CCDC146: variants seen among roughly 807,000 people sequenced by gnomAD.
CCDC146 encodes the protein coiled-coil domain-containing protein 146.
CCDC146 carries 92 observed loss-of-function variants against 119.3 expected under a neutral mutation model. The observed-to-expected ratio is 0.77, with a 90% CI of 0.65 to 0.92. The LOEUF is 0.92. CCDC146 is among the 40% of genes least tolerant of loss of function. The pLI, the probability that CCDC146 is intolerant of heterozygous loss-of-function variation, is 0.00. For synonymous variants in CCDC146, 372 were observed against 371.8 expected, an observed-to-expected ratio of 1.00 and a Z score of -0.01; for missense variants, 1,000 against 1,103.0, an observed-to-expected ratio of 0.91 and a Z score of 1.32.
Position 77,282,585 on chromosome 7 carries a change from GA to G in CCDC146, c.1951del (p.Ile651TyrfsTer8). ...SGVQLIEREE[E>X]ICIFYEKINI... The stretch of plus-strand genomic sequence containing the variant: ...CGTTCAGCTGATAGAGCGGGAAGAA[GA>G]AATATGCATTTTTTATGAAAAAATA... On this transcript the variant is annotated frameshift_variant, in exon 15 of 19. Coordinates refer to ENST00000285871, the MANE Select transcript of CCDC146 (RefSeq NM_020879.3). LOFTEE classifies it high-confidence loss of function. 3 of 1,610,818 alleles carry G rather than the reference GA, an allele frequency of 1.9e-6. No individual in the cohort carries two copies. The highest frequency in any genetic ancestry group is 2.5e-6 in the Non-Finnish European group (3 of 1,178,372).
At position 77,271,144 on chromosome 7, in the gene CCDC146, G is replaced by C. The variant is rs1364506795; in HGVS notation, c.1174-2550G>C. ...TTGAAGGATACAAAGTATTGATCCTGGGTGTGTCTGTGAAGGTGTTGCCAA... is the reference window on the plus strand; with the variant it reads ...TTGAAGGATACAAAGTATTGATCCTCGGTGTGTCTGTGAAGGTGTTGCCAA... On this transcript the variant is annotated intron_variant, in intron 9 of 18. Coordinates refer to ENST00000285871, the MANE Select transcript of CCDC146 (RefSeq NM_020879.3). Among the ~76,000 whole-genome samples, 3 of 151,968 alleles carry C rather than the reference G, an allele frequency of 2.0e-5. No homozygotes were observed. In the East Asian group the frequency reaches 5.8e-4, roughly 29 times the overall value.
At chr7:77,261,194 G>T (rs1190431730) in intron 8 of CCDC146, among the ~76,000 whole-genome samples, 1 of 151,904 alleles carries the variant, frequency 6.6e-6, no homozygotes, top group Non-Finnish European at 1.5e-5. Context: ...GTGTCATGGG[G>T]GGTTGTTGTA....
At chr7:77,220,375 AT>A (rs1339777084) in intron 2 of CCDC146, among the ~76,000 whole-genome samples, 2 of 152,192 alleles carry the variant, frequency 1.3e-5, no homozygotes, top group Non-Finnish European at 2.9e-5. Flanking sequence ...GGATGCCCAG[AT>A]TTCGTATTGT....
At chr7:77,151,861 G>T (rs1367711587) in intron 1 of CCDC146, among the ~76,000 whole-genome samples, 1 of 152,114 alleles carries the variant, frequency 6.6e-6, no homozygotes, top group Admixed American at 6.6e-5. Context: ...TCAGTTGTCT[G>T]GTCCACAAAG....
At position 77,196,501 on chromosome 7, in the gene CCDC146, A is replaced by T. The variant is rs140799198; in HGVS notation, c.156+28677A>T. Reference sequence around the variant, plus strand: ...AGTACAGCCCACAGTTCCCAGAAGGATATCGATCATTGTCTTTATCTGGAG... The same window carrying T: ...AGTACAGCCCACAGTTCCCAGAAGGTTATCGATCATTGTCTTTATCTGGAG... On this transcript the variant is annotated intron_variant, in intron 2 of 18. Coordinates refer to ENST00000285871, the MANE Select transcript of CCDC146 (RefSeq NM_020879.3). This position sits in a 1 kb window ranked among gnomAD's most constrained non-coding sequence, Gnocchi z 4.2. 1 of 1,614,050 alleles carries T rather than the reference A, an allele frequency of 6.2e-7. No homozygotes were observed. Among genetic ancestry groups the T allele is most frequent in the African/African-American group, 1.3e-5 (1 of 74,910 alleles).
Position 77,287,505 on chromosome 7 carries a change from C to G in CCDC146, c.2343C>G (p.Val781=). The G allele has an allele frequency of 6.2e-7, 1 of 1,613,874 alleles. No individual in the cohort carries two copies. Among genetic ancestry groups the G allele is most frequent in the Non-Finnish European group, 8.5e-7 (1 of 1,179,804 alleles). Residue 781 remains valine (V), a synonymous_variant, in exon 17 of 19, where the codon GTC becomes GTG. Transcript: ENST00000285871. The part of the protein sequence containing the change: ...LLEKDFIYEQ[V]SRLTDRLCSK... ...AGAAGGATTTCATCTATGAGCAGGTCTCCAGGCTCACAGACAGGCTCTGCA... is the reference window on the plus strand; with the variant it reads ...AGAAGGATTTCATCTATGAGCAGGTGTCCAGGCTCACAGACAGGCTCTGCA...
At chr7:77,253,018 C>T (rs1473985327) in intron 4 of CCDC146, among the ~76,000 whole-genome samples, 4 of 152,182 alleles carry the variant, frequency 2.6e-5, no homozygotes. Flanking sequence ...GCAAACAATG[C>T]CAATGTGTCT....
At chr7:77,178,107 T>C (rs1791528126) in intron 2 of CCDC146, among the ~76,000 whole-genome samples, 1 of 152,236 alleles carries the variant, frequency 6.6e-6, no homozygotes. Context: ...AGTAGATTAA[T>C]ACCCCTCAAT....
In CCDC146 at chr7:77,292,301, ATT is replaced by A. The variant is rs35258178; in HGVS notation, c.2416-633_2416-632del. On this transcript the variant is annotated intron_variant, in intron 17 of 18. Transcript: ENST00000285871. The stretch of plus-strand genomic sequence containing the variant: ...AGAACAAGACCTTGTCTTTATTTTA[ATT>A]TTTTTTTTTTTTTTTTTAAAGAACA... 4.2e-3 allele frequency among the ~76,000 whole-genome samples: 559 copies of A among 132,626 alleles called. 4 individuals carry two copies. Among genetic ancestry groups the A allele is most frequent in the Middle Eastern group, 0.012 (3 of 248 alleles). The allele number at this position is 132,626 out of a possible 152,430, so 87.0% of individuals were successfully genotyped here.
intron 2 of CCDC146, among the ~76,000 whole-genome samples, chr7:77,227,124 A>G (rs1413022588): frequency 1.3e-5 from 2 of 152,210 alleles, no homozygotes; most frequent in African/African-American, 2.4e-5. Context: ...CTGCAAGAAC[A>G]TATTCAGGTG....
chr7:77,241,904 A>G lies in CCDC146; in HGVS notation c.449+4A>G. ...ATAATCAGTACAGATTAAATAGGTA[A>G]GTGCACAGTTCTCTCCGGCACACTG... On this transcript the variant is annotated splice_donor_region_variant and intron_variant, in intron 4 of 18. Transcript: ENST00000285871. 1.3e-6 allele frequency: 2 copies of G among 1,599,714 alleles called. No homozygotes were observed. Among genetic ancestry groups the G allele is most frequent in the Non-Finnish European group, 1.7e-6 (2 of 1,167,108 alleles).
intron 8 of CCDC146, 74 bp downstream of exon 8, chr7:77,260,310 T>G: frequency 9.4e-7 from 1 of 1,068,240 alleles, no homozygotes; most frequent in Non-Finnish European, 1.3e-6. Context: ...ATTCAAAATC[T>G]CACTTTGGTG....
intron 1 of CCDC146, among the ~76,000 whole-genome samples, chr7:77,125,205 T>C (rs192155107): frequency 1.3e-5 from 2 of 150,532 alleles, no homozygotes; most frequent in Non-Finnish European, 2.9e-5. Flanking sequence ...AATAAAAAAA[T>C]GTTAAATGCT....
intron 4 of CCDC146, among the ~76,000 whole-genome samples, chr7:77,253,858 C>CCAGCTGGAGGGAT (rs1171454468): frequency 2.0e-5 from 3 of 152,150 alleles, no homozygotes; most frequent in Non-Finnish European, 4.4e-5. Flanking sequence ...CGAGAGCATA[C>CCAGCTGGAGGGAT]CAGCTGGAGG....
chr7:77,176,361 G>C (rs999210804), intron 2 of CCDC146, among the ~76,000 whole-genome samples: 3 of 151,172 alleles, frequency 2.0e-5, no homozygotes, highest in Non-Finnish European at 4.4e-5. Flanking sequence ...AAAAAGGAGT[G>C]AATACATTTA....
chr7:77,155,284 G>C (rs1181606977), intron 1 of CCDC146, among the ~76,000 whole-genome samples: 1 of 152,004 alleles, frequency 6.6e-6, no homozygotes. Context: ...GTTTTGCTCA[G>C]CTCAGCCTTG....
At chr7:77,126,246 T>C (rs994237680) in intron 1 of CCDC146, among the ~76,000 whole-genome samples, 32 of 152,218 alleles carry the variant, frequency 2.1e-4, no homozygotes, top group African/African-American at 7.7e-4. Context: ...TTGATATGTG[T>C]ATTACAGTGA....
chr7:77,233,095 T>TTTG (rs386410503), intron 2 of CCDC146, among the ~76,000 whole-genome samples: 3 of 8,598 alleles, frequency 3.5e-4, no homozygotes, highest in African/African-American at 9.8e-4. Flanking sequence ...CTTTTGTTTG[T>TTTG]TTTTTTTTTT....
intron 4 of CCDC146, among the ~76,000 whole-genome samples, chr7:77,249,276 AG>A (rs1214870227): frequency 6.6e-6 from 1 of 152,072 alleles, no homozygotes; most frequent in Admixed American, 6.6e-5. Flanking sequence ...CAGATCACGA[AG>A]TCGAGATCAA....
Sources: allele counts gnomAD v4.1 joint callset (sites outside exome capture counted in the v4.1 genomes callset), GRCh38; gene constraint gnomAD v4.1.1; non-coding constraint Gnocchi (gnomAD v3.1); transcripts MANE v1.5; gene names NCBI Gene and HGNC (gene_info 2026-07-23, HGNC 2026-07-21).